PTPRK: variants seen among roughly 807,000 people sequenced by gnomAD.
PTPRK encodes protein tyrosine phosphatase receptor type K.
In PTPRK, 75 loss-of-function variants were observed where a neutral mutation model predicts 178.0. The observed-to-expected ratio is 0.42, with a 90% confidence interval of 0.35 to 0.51. The LOEUF (loss-of-function observed/expected upper bound fraction) is 0.51, where lower values mean the gene tolerates loss of function less well. Among genes scored for constraint, PTPRK ranks in the 20% least tolerant of loss-of-function variants. The pLI is 0.02. For synonymous variants in PTPRK, 637 were observed against 620.6 expected, an observed-to-expected ratio of 1.03 and a Z score of -0.39; for missense variants, 1,441 against 1,797.8, an observed-to-expected ratio of 0.80 and a Z score of 3.59.
At chr6:128,070,265 C>A (rs1782585067) in intron 11 of PTPRK, among the ~76,000 whole-genome samples, 1 of 152,058 alleles carries the variant, frequency 6.6e-6, no homozygotes, top group African/African-American at 2.4e-5. Context: ...AGGAACCTCA[C>A]TTTGTTCATT....
At chr6:128,291,298 A>C (rs1823346318) in intron 3 of PTPRK, among the ~76,000 whole-genome samples, 2 of 152,138 alleles carry the variant, frequency 1.3e-5, no homozygotes, top group South Asian at 4.1e-4. Context: ...TGAGGCTACA[A>C]AAGCCAAGAT....
chr6:128,030,717 A>T (rs1775174062), intron 13 of PTPRK, among the ~76,000 whole-genome samples: 1 of 152,126 alleles, frequency 6.6e-6, no homozygotes, highest in African/African-American at 2.4e-5. Flanking sequence ...AAAACAGTTG[A>T]TTCTCTGTAT....
intron 3 of PTPRK, among the ~76,000 whole-genome samples, chr6:128,320,079 T>G (rs1312721997): frequency 6.6e-6 from 1 of 152,180 alleles, no homozygotes; most frequent in East Asian, 1.9e-4. Context: ...GTCATCATTT[T>G]CTCTGACAAA....
At chr6:128,273,684 G>A (rs531969624) in intron 3 of PTPRK, among the ~76,000 whole-genome samples, 73 of 152,282 alleles carry the variant, frequency 4.8e-4, no homozygotes, top group African/African-American at 1.7e-3. Flanking sequence ...TTTCATTTGA[G>A]ATTCAGGAAT....
intron 13 of PTPRK, among the ~76,000 whole-genome samples, chr6:128,058,394 G>C (rs1780258237): frequency 6.6e-6 from 1 of 152,062 alleles, no homozygotes; most frequent in South Asian, 2.1e-4. Flanking sequence ...GTTTCAATTT[G>C]TATTTTCCTG....
At chr6:128,475,326 C>T (rs190772047) in intron 1 of PTPRK, among the ~76,000 whole-genome samples, 1 of 152,118 alleles carries the variant, frequency 6.6e-6, no homozygotes, top group East Asian at 1.9e-4. Context: ...TTTCTGTTGG[C>T]AATAGGGAGG....
intron 7 of PTPRK, among the ~76,000 whole-genome samples, chr6:128,164,324 G>T (rs1255309967): frequency 6.6e-6 from 1 of 151,322 alleles, no homozygotes; most frequent in Non-Finnish European, 1.5e-5. Flanking sequence ...AATAAAGCAT[G>T]ACCCTATAAT....
chr6:128,054,222 T>C (rs938793240), intron 13 of PTPRK, among the ~76,000 whole-genome samples: 1 of 152,214 alleles, frequency 6.6e-6, no homozygotes, highest in African/African-American at 2.4e-5. Context: ...TTGTTCTACC[T>C]AATTACTTCT....
chr6:128,229,026 A>T (rs147891630), intron 5 of PTPRK, among the ~76,000 whole-genome samples: 4 of 152,296 alleles, frequency 2.6e-5, no homozygotes, highest in African/African-American at 9.6e-5. Context: ...CTAAGAACTC[A>T]GGGAATACTA....
rs904764706 is a variant in PTPRK, at chr6:127,969,489, T to C, written c.*738A>G. Reference sequence around the variant, plus strand: ...TACTTACACTAAAACATACAAAAAATAATCTACAAAAATCGTTTACAATTG... The same window carrying C: ...TACTTACACTAAAACATACAAAAAACAATCTACAAAAATCGTTTACAATTG... On this transcript the variant is annotated 3_prime_UTR_variant, in exon 30 of 30. Coordinates refer to ENST00000368226, the MANE Select transcript of PTPRK (RefSeq NM_002844.4). 2 of 151,946 alleles carry C rather than the reference T, an allele frequency of 1.3e-5. No individual in the cohort carries two copies. Among genetic ancestry groups the C allele is most frequent in the African/African-American group, 2.4e-5 (1 of 41,352 alleles). The allele number at this position is 151,946 out of a possible 1,614,324, so 9.4% of individuals were successfully genotyped here.
At chr6:128,137,766 C>T (rs190731865) in intron 7 of PTPRK, among the ~76,000 whole-genome samples, 63 of 152,188 alleles carry the variant, frequency 4.1e-4, no homozygotes, top group Non-Finnish European at 7.4e-4. Context: ...AGTAATTATA[C>T]TAAATGTTCC....
At chr6:128,097,658 T>C (rs1788127557) in intron 7 of PTPRK, among the ~76,000 whole-genome samples, 1 of 152,150 alleles carries the variant, frequency 6.6e-6, no homozygotes, top group Non-Finnish European at 1.5e-5. Flanking sequence ...AATATGTAAC[T>C]ACAATCAATG....
intron 6 of PTPRK, among the ~76,000 whole-genome samples, chr6:128,218,609 C>A (rs1809790994): frequency 6.6e-6 from 1 of 152,120 alleles, no homozygotes; most frequent in African/African-American, 2.4e-5. Context: ...ACGGGAAGAA[C>A]TAGATCTAAA....
At chr6:128,235,478 T>C in intron 5 of PTPRK, 1 of 359,636 alleles carries the variant, frequency 2.8e-6, no homozygotes, top group South Asian at 2.2e-5. Context: ...AGCTTTATCA[T>C]AGCTTCAAGT....
At chr6:128,258,234 G>A (rs1817641661) in intron 3 of PTPRK, among the ~76,000 whole-genome samples, 1 of 152,072 alleles carries the variant, frequency 6.6e-6, no homozygotes, top group Non-Finnish European at 1.5e-5. Context: ...TAGTGATTAT[G>A]TGAAATTCCT....
chr6:128,006,038 T>C (rs368094187), intron 14 of PTPRK: 2 of 1,569,674 alleles, frequency 1.3e-6, no homozygotes, highest in Non-Finnish European at 1.7e-6. Flanking sequence ...GTAGTAGGAG[T>C]AAGAATAGTA....
intron 13 of PTPRK, among the ~76,000 whole-genome samples, chr6:128,041,730 T>A (rs1012592399): frequency 2.6e-5 from 4 of 151,692 alleles, no homozygotes; most frequent in African/African-American, 4.8e-5. Flanking sequence ...ATCAACAAAT[T>A]ATATATTATA....
intron 8 of PTPRK, among the ~76,000 whole-genome samples, chr6:128,086,144 T>A (rs1200181451): frequency 6.6e-6 from 1 of 152,172 alleles, no homozygotes; most frequent in Admixed American, 6.5e-5. Flanking sequence ...CTGAGACTTA[T>A]ATGACAGCTA....
At chr6:128,440,813 A>G (rs532063159) in intron 1 of PTPRK, among the ~76,000 whole-genome samples, 13 of 152,254 alleles carry the variant, frequency 8.5e-5, no homozygotes, top group Admixed American at 3.9e-4. Context: ...ATGGACTACA[A>G]TTGATTTAAG....
Sources: gnomAD v4.1 joint callset for allele counts (sites outside exome capture counted in the v4.1 genomes callset) on GRCh38, gnomAD v4.1.1 for gene constraint, MANE v1.5 for transcripts, NCBI Gene and HGNC (gene_info 2026-07-23, HGNC 2026-07-21) for gene names.